The following HMX1 variants were observed in gnomAD, a reference collection of about 807,000 sequenced individuals.
The protein encoded by HMX1 is H6 family homeobox 1, also known as homeobox protein HMX1.
In HMX1, 8 loss-of-function variants were observed where a neutral mutation model predicts 8.9. That is an observed-to-expected ratio of 0.90 (90% CI 0.53 to 1.63). The LOEUF (loss-of-function observed/expected upper bound fraction) is 1.63. Among genes scored for constraint, HMX1 ranks in the 40% most tolerant of loss-of-function variants. The probability of loss-of-function intolerance (pLI) is 0.00; values close to 1 mark genes in which losing one functional copy is unlikely to be tolerated. For synonymous variants in HMX1, 311 were observed against 283.4 expected (o/e 1.10, Z -0.98); for missense variants, 621 against 558.5 (o/e 1.11, Z -1.13).
Position 8,868,457 on chromosome 4 carries a change from C to A in HMX1, c.395-112G>T, listed in dbSNP as rs1218182558. 3.6e-6 allele frequency: 3 copies of A among 840,986 alleles called. No individual in the cohort carries two copies. The highest frequency in any genetic ancestry group is 4.8e-6 in the Non-Finnish European group (3 of 625,474). The allele number at this position is 840,986 out of a possible 1,614,324, so 52.1% of individuals were successfully genotyped here. On this transcript the variant is annotated intron_variant, in intron 1 of 1. Transcript: ENST00000400677. This position sits in a 1 kb window ranked among gnomAD's most constrained non-coding sequence, Gnocchi z 4.6. ...TCGCTCACAGCCACAAGCAGGAAGA[C>A]CTTCCAGCACAGGGCTGGGCACCCA...
chr4:8,850,194 C>T (rs540357869), intron 1 of HMX1, among the ~76,000 whole-genome samples: 4 of 152,192 alleles, frequency 2.6e-5, no homozygotes, highest in South Asian at 4.1e-4. Context: ...TGGGGGTTCC[C>T]GGAAACCCAG....
downstream of HMX1, among the ~76,000 whole-genome samples, chr4:8,863,169 G>C (rs1475501731): frequency 6.6e-6 from 1 of 152,326 alleles, no homozygotes; most frequent in East Asian, 1.9e-4. Flanking sequence ...AACAGCAGCA[G>C]CACCAGCGCA....
rs1336865614 is a variant in HMX1 at position 8,871,571 on chromosome 4, C to T, written c.44G>A (p.Arg15His). The T allele has an allele frequency of 1.5e-6, 2 of 1,353,118 alleles. No individual in the cohort carries two copies. The highest frequency in any genetic ancestry group is 6.5e-5 in the East Asian group (2 of 30,668). The allele number at this position is 1,353,118 out of a possible 1,614,324, so 83.8% of individuals were successfully genotyped here. A position where few individuals can be genotyped will look rare whatever the true frequency, so the allele number is the denominator to read the frequency against. The change falls in exon 1 of 2, where the codon CGC becomes CAC. Residue 15 changes from arginine (R) to histidine (H), a missense_variant. Physicochemically the swap from Arg to His is conservative, Grantham distance 29. Coordinates refer to ENST00000400677, the MANE Select transcript of HMX1 (RefSeq NM_018942.3). This position sits in a 1 kb window ranked among gnomAD's most constrained non-coding sequence, Gnocchi z 4.8. ...GTTCTCGATGAGGAAGGAGGAGGCG[C>T]GGGCCGGCGTGGCGCGCCCGGGCTC... Reference protein sequence around the residue: ...LTEPGRATPARASSFLIENLL... With the variant: ...LTEPGRATPAHASSFLIENLL...
chr4:8,871,408 T>A lies in HMX1; in HGVS notation c.207A>T (p.Arg69=). 7.8e-7 allele frequency: 1 copy of A among 1,274,260 alleles called. No individual in the cohort carries two copies. The highest frequency in any genetic ancestry group is 1.0e-6 in the Non-Finnish European group (1 of 1,003,022). 78.9% of individuals were successfully genotyped at this position (1,274,260 alleles called of 1,614,324 possible). The change falls in exon 1 of 2, where the codon CGA becomes CGT. Residue 69 remains arginine, a synonymous_variant. Coordinates refer to ENST00000400677, the MANE Select transcript of HMX1 (RefSeq NM_018942.3). This position sits in a 1 kb window ranked among gnomAD's most constrained non-coding sequence, Gnocchi z 4.8. The part of the protein sequence containing the change: ...QARRRRLQRR[R]QLLAGTGPGG... Reference sequence around the variant, plus strand: ...CGGGCCCGGTGCCCGCGAGCAACTGTCGCCGCCGCTGTAGCCGTCGCCGCC... The same window carrying A: ...CGGGCCCGGTGCCCGCGAGCAACTGACGCCGCCGCTGTAGCCGTCGCCGCC...
chr4:8,855,564 G>T (rs781267192), intron 1 of HMX1, among the ~76,000 whole-genome samples: 2 of 152,174 alleles, frequency 1.3e-5, no homozygotes, highest in South Asian at 4.1e-4. Context: ...CCCACCAGGT[G>T]CAAGAGTTCT....
In HMX1 at chr4:8,871,415, C is replaced by A. The variant is rs541073259; in HGVS notation, c.200G>T (p.Arg67Leu). 1 of 1,298,004 alleles carries A rather than the reference C, an allele frequency of 7.7e-7. No individual in the cohort carries two copies. Among genetic ancestry groups the A allele is most frequent in the Non-Finnish European group, 9.9e-7 (1 of 1,013,388 alleles). The allele number at this position is 1,298,004 out of a possible 1,614,324, so 80.4% of individuals were successfully genotyped here. ...GGTGCCCGCGAGCAACTGTCGCCGC[C>A]GCTGTAGCCGTCGCCGCCGCGCCTG... ...AEQARRRRLQ[R>L]RRQLLAGTGP... The change falls in exon 1 of 2, where the codon CGG becomes CTG. Residue 67 changes from arginine (R) to leucine (L), a missense_variant. Physicochemically the swap from Arg to Leu is moderately radical, Grantham distance 102. Coordinates refer to ENST00000400677, the MANE Select transcript of HMX1 (RefSeq NM_018942.3). This position sits in a 1 kb window ranked among gnomAD's most constrained non-coding sequence, Gnocchi z 4.8.
chr4:8,855,127 C>A (rs966109874), intron 1 of HMX1, among the ~76,000 whole-genome samples: 1 of 152,240 alleles, frequency 6.6e-6, no homozygotes, highest in South Asian at 2.1e-4. Flanking sequence ...CCCTCTCCCC[C>A]GTGGACTCCA....
At chr4:8,865,817 G>A (rs571106468), downstream of HMX1, among the ~76,000 whole-genome samples, 2 of 152,314 alleles carry the variant, frequency 1.3e-5, no homozygotes, top group South Asian at 2.1e-4. Context: ...GAGTGAGAAC[G>A]GACTTCCTGG....
At chr4:8,857,213 G>A (rs922759626) in intron 1 of HMX1, among the ~76,000 whole-genome samples, 2 of 152,326 alleles carry the variant, frequency 1.3e-5, no homozygotes, top group African/African-American at 2.4e-5. Flanking sequence ...CAATGCAGCC[G>A]CCGAGGAAGC....
chr4:8,849,387 C>T lies in HMX1; in HGVS notation c.395-3063G>A, dbSNP rs1181650632. Among the ~76,000 whole-genome samples the T allele has an allele frequency of 6.6e-6, 1 of 151,648 alleles. No individual in the cohort carries two copies. The highest frequency in any genetic ancestry group is 1.5e-5 in the Non-Finnish European group (1 of 67,984). ...TCACTAGAGGCAGGGCAGCGTGAAGCCAAGGAGAAGGCGGGCACTCAGCTG... is the reference window on the plus strand; with the variant it reads ...TCACTAGAGGCAGGGCAGCGTGAAGTCAAGGAGAAGGCGGGCACTCAGCTG... On this transcript the variant is annotated intron_variant, in intron 1 of 1. Transcript: ENST00000506970. This position sits in a 1 kb window ranked among gnomAD's most constrained non-coding sequence, Gnocchi z 6.6.
At chr4:8,860,168 G>A (rs1721749295) in intron 1 of HMX1, among the ~76,000 whole-genome samples, 4 of 152,232 alleles carry the variant, frequency 2.6e-5, no homozygotes, top group African/African-American at 7.2e-5. Flanking sequence ...GGCTGCCCTG[G>A]TGCCCCAGTG....
chr4:8,858,839 C>G (rs537041146), intron 1 of HMX1: 1 of 152,500 alleles, frequency 6.6e-6, no homozygotes. Context: ...TGGGGGGACA[C>G]TGGGGTGGGC....
At chr4:8,863,207 G>C (rs10046947), downstream of HMX1, among the ~76,000 whole-genome samples, 4,262 of 152,310 alleles carry the variant, frequency 0.028, 197 homozygotes, top group African/African-American at 0.098. Context: ...TCCCTCAGGC[G>C]GGTGGAGGAG....
Position 8,871,360 on chromosome 4 carries a change from C to A in HMX1, c.255G>T (p.Ala85=). The A allele has an allele frequency of 8.1e-7, 1 of 1,238,086 alleles. No individual in the cohort carries two copies. 76.7% of individuals were successfully genotyped at this position (1,238,086 alleles called of 1,614,324 possible). ...GGCCCAGCGCGCCCGGCCCGAGCAGCGCACGGGCCCGCGCCTCCCCGCCGG... is the reference window on the plus strand; with the variant it reads ...GGCCCAGCGCGCCCGGCCCGAGCAGAGCACGGGCCCGCGCCTCCCCGCCGG... ...TGPGGEARAR[A]LLGPGALGLG... Residue 85 remains alanine, a synonymous_variant, in exon 1 of 2, where the codon GCG becomes GCT. Coordinates refer to ENST00000400677, the MANE Select transcript of HMX1 (RefSeq NM_018942.3). The surrounding 1 kb of genome is among the most constrained non-coding windows in gnomAD (Gnocchi z 4.8).
intron 1 of HMX1, among the ~76,000 whole-genome samples, chr4:8,860,080 T>A (rs372039766): frequency 6.1e-4 from 93 of 152,262 alleles, no homozygotes; most frequent in African/African-American, 2.2e-3. Context: ...CGAAGCCGAG[T>A]TCGTGGAGCG....
chr4:8,857,870 C>T (rs1010741958), intron 1 of HMX1, among the ~76,000 whole-genome samples: 1 of 152,170 alleles, frequency 6.6e-6, no homozygotes, highest in Non-Finnish European at 1.5e-5. Context: ...CCACACGCGC[C>T]GTGCCGAGCC....
rs571441853 is a variant in HMX1, at chr4:8,848,005, G to A, written c.395-1681C>T. ...GTCCAGGGTGACATCTGAGCTCAGC[G>A]AACCGAATTTTGAATCTAAAACTCG... is the stretch of plus-strand genomic sequence containing the variant. On this transcript the variant is annotated intron_variant, in intron 1 of 1. Transcript: ENST00000506970. This position sits in a 1 kb window ranked among gnomAD's most constrained non-coding sequence, Gnocchi z 4.1. Among the ~76,000 whole-genome samples the A allele has an allele frequency of 2.8e-4, 43 of 152,260 alleles. No homozygotes were observed. The highest frequency in any genetic ancestry group is 9.6e-4 in the African/African-American group (40 of 41,550).
Position 8,853,469 on chromosome 4 carries a change from C to T in HMX1, c.395-7145G>A, listed in dbSNP as rs150760419. Among the ~76,000 whole-genome samples, 306 of 152,284 alleles carry T rather than the reference C, an allele frequency of 2.0e-3. No individual in the cohort carries two copies. The highest frequency in any genetic ancestry group is 6.8e-3 in the Middle Eastern group (2 of 294). The stretch of plus-strand genomic sequence containing the variant: ...ACTGGTCAGAACCACATCATGTGAC[C>T]GGGCTGAGCTGCAAGGGAGGCTGGG... On this transcript the variant is annotated intron_variant, in intron 1 of 1. Coordinates refer to the HMX1 transcript ENST00000506970. This position sits in a 1 kb window ranked among gnomAD's most constrained non-coding sequence, Gnocchi z 4.7.
At chr4:8,861,840 C>A (rs541394958) in intron 1 of HMX1, among the ~76,000 whole-genome samples, 2 of 152,380 alleles carry the variant, frequency 1.3e-5, no homozygotes, top group South Asian at 2.1e-4. Flanking sequence ...AGACCAAGCA[C>A]GCCGAGTGCG....
Sources: allele counts gnomAD v4.1 joint callset (sites outside exome capture counted in the v4.1 genomes callset), GRCh38; gene constraint gnomAD v4.1.1; non-coding constraint Gnocchi (gnomAD v3.1); transcripts MANE v1.5; gene names NCBI Gene and HGNC (gene_info 2026-07-23, HGNC 2026-07-21).